PCNX3: variants seen among roughly 807,000 people sequenced by gnomAD.
The protein encoded by PCNX3 is pecanex 3, also known as pecanex-like protein 3.
PCNX3 carries 58 observed loss-of-function variants against 207.2 expected under a neutral mutation model. The observed-to-expected ratio is 0.28, with a 90% CI of 0.23 to 0.35. The LOEUF is 0.35. Among genes scored for constraint, PCNX3 ranks in the 10% least tolerant of loss-of-function variants. PCNX3 has a pLI of 1.00. For missense variants in PCNX3, 2,410 were observed against 2,774.4 expected (o/e 0.87, Z 2.95); for synonymous variants, 1,337 against 1,183.5 (o/e 1.13, Z -2.66).
chr11:65,627,757 A>G (rs867375290), intron 22 of PCNX3, among the ~76,000 whole-genome samples, 175 bp downstream of exon 22: 1 of 152,094 alleles, frequency 6.6e-6, no homozygotes. Flanking sequence ...ACAGAGAGGA[A>G]GCAGGCTGAA....
In PCNX3 at chr11:65,635,924, C is replaced by G; in HGVS notation, c.5459+121C>G. The G allele has an allele frequency of 1.4e-6, 2 of 1,379,576 alleles. No homozygotes were observed. The highest frequency in any genetic ancestry group is 2.9e-5 in the South Asian group (2 of 68,164). 85.5% of individuals were successfully genotyped at this position (1,379,576 alleles called of 1,614,324 possible). A position where few individuals can be genotyped will look rare whatever the true frequency, so the allele number is the denominator to read the frequency against. On this transcript the variant is annotated intron_variant, in intron 32 of 34. Transcript: ENST00000355703. This position sits in a 1 kb window ranked among gnomAD's most constrained non-coding sequence, Gnocchi z 9.9. ...GGCTTGAATCCCGAGAGATGACCCC[C>G]TCCCAGAGCTGACCTGCCCCTCCTA... is the stretch of plus-strand genomic sequence containing the variant.
In PCNX3 at chr11:65,617,231, T is replaced by C; in HGVS notation, c.342-19T>C. ...AGAGGAGAGGTTAGCTCAAAGCTGC[T>C]GCTCTTTTTCACCGCCAGGGACCCC... On this transcript the variant is annotated intron_variant, in intron 2 of 34. Transcript: ENST00000355703. 1 of 1,586,114 alleles carries C rather than the reference T, an allele frequency of 6.3e-7. No individual in the cohort carries two copies. The highest frequency in any genetic ancestry group is 1.1e-5 in the South Asian group (1 of 87,642).
chr11:65,634,090 G>A (rs759556885), intron 27 of PCNX3, 36 bp from the exon 28 acceptor site: 20 of 1,574,792 alleles, frequency 1.3e-5, no homozygotes, highest in Admixed American at 3.5e-5. Context: ...GGCCAGGGCC[G>A]GGACCCCGGC....
At position 65,618,668 on chromosome 11, in the gene PCNX3, C is replaced by G. The variant is rs1313071196; in HGVS notation, c.1306C>G (p.Leu436Val). The G allele has an allele frequency of 3.7e-6, 6 of 1,613,242 alleles. No homozygotes were observed. The highest frequency in any genetic ancestry group is 5.1e-6 in the Non-Finnish European group (6 of 1,179,852). ...CAGTGAACTGAGCCCGGCCTCCAGT[C>G]TCCGATCGCAGCGCCGCTACAGTAC... Reference protein sequence around the residue: ...EGSELSPASSLRSQRRYSTDS... With the variant: ...EGSELSPASSVRSQRRYSTDS... Residue 436 changes from leucine (L) to valine (V), a missense_variant, in exon 6 of 35, where the codon CTC (leucine) becomes GTC (valine). By Grantham distance (32) the Leu-to-Val change is conservative. Coordinates refer to ENST00000355703, the MANE Select transcript of PCNX3 (RefSeq NM_032223.4).
At chr11:65,636,340 T>G (rs1590910479) in intron 33 of PCNX3, 33 bp downstream of exon 33, 1 of 1,606,706 alleles carries the variant, frequency 6.2e-7, no homozygotes, top group Non-Finnish European at 8.5e-7. Context: ...AACCCGTGGG[T>G]GAGGAGTGCA....
intron 27 of PCNX3, among the ~76,000 whole-genome samples, chr11:65,630,957 C>T (rs962825914): frequency 6.6e-6 from 1 of 152,252 alleles, no homozygotes; most frequent in African/African-American, 2.4e-5. Flanking sequence ...TAACGATCAT[C>T]ATGGGAGCAG....
At chr11:65,616,554 G>T in intron 1 of PCNX3, 90 bp downstream of exon 1, 1 of 1,399,674 alleles carries the variant, frequency 7.1e-7, no homozygotes, top group South Asian at 1.4e-5. Context: ...TCTGGGACGT[G>T]GAGAGAGAGG....
Position 65,625,544 on chromosome 11 carries a change from G to T in PCNX3, c.3135+34G>T. On this transcript the variant is annotated intron_variant, in intron 18 of 34. Transcript: ENST00000355703. The surrounding 1 kb of genome is among the most constrained non-coding windows in gnomAD (Gnocchi z 5.6). ...GCGGGGGGTGGGGGTCTGTGGGGAG[G>T]TGGTGACAGGTCCTGGGGTTCCTGG... is the stretch of plus-strand genomic sequence containing the variant. 1 of 1,571,900 alleles carries T rather than the reference G, an allele frequency of 6.4e-7. No homozygotes were observed. The highest frequency in any genetic ancestry group is 8.6e-7 in the Non-Finnish European group (1 of 1,160,238).
intron 4 of PCNX3, 45 bp from the exon 5 acceptor site, chr11:65,617,566 C>T (rs1471696328): frequency 6.2e-7 from 1 of 1,613,582 alleles, no homozygotes; most frequent in Non-Finnish European, 8.5e-7. Flanking sequence ...GGCTGGCGTG[C>T]TGTGCCAGGG....
chr11:65,619,980 C>T (rs1203542348), intron 8 of PCNX3, 48 bp downstream of exon 8: 67 of 1,537,552 alleles, frequency 4.4e-5, no homozygotes, highest in Middle Eastern at 1.7e-4. Flanking sequence ...CGCCTTCCCC[C>T]AACAGCCTGA....
chr11:65,627,353 C>A, intron 21 of PCNX3, 52 bp from the exon 22 acceptor site: 1 of 1,568,776 alleles, frequency 6.4e-7, no homozygotes, highest in Non-Finnish European at 8.6e-7. Context: ...GACACCTATA[C>A]CCACTGCCCC....
At chr11:65,627,085 G>T (rs781007487) in intron 21 of PCNX3, 37 bp downstream of exon 21, 6 of 1,462,846 alleles carry the variant, frequency 4.1e-6, no homozygotes, top group African/African-American at 1.4e-5. Context: ...CCCATCATCC[G>T]CTTTCCCTTT....
intron 6 of PCNX3, 54 bp from the exon 7 acceptor site, chr11:65,619,483 C>T: frequency 1.3e-6 from 2 of 1,594,056 alleles, no homozygotes; most frequent in African/African-American, 1.3e-5. Flanking sequence ...ACCTTACTCC[C>T]CCAGCCTTGT....
At chr11:65,617,548 G>A in intron 4 of PCNX3, 39 bp downstream of exon 4, 1 of 1,613,924 alleles carries the variant, frequency 6.2e-7, no homozygotes, top group Non-Finnish European at 8.5e-7. Flanking sequence ...ATAGTGCTGT[G>A]GAACAGGGGC....
chr11:65,616,279 G>C lies in PCNX3; in HGVS notation c.-33G>C. 1 of 1,525,224 alleles carries C rather than the reference G, an allele frequency of 6.6e-7. No individual in the cohort carries two copies. The highest frequency in any genetic ancestry group is 8.8e-7 in the Non-Finnish European group (1 of 1,142,058). The allele number at this position is 1,525,224 out of a possible 1,614,324, so 94.5% of individuals were successfully genotyped here. On this transcript the variant is annotated 5_prime_UTR_variant, in exon 1 of 35. Transcript: ENST00000355703. Reference sequence around the variant, plus strand: ...CGGGGGCCGCCCCCATGAGGGTCCCGGGAGGGGGGGCGCGGGCAGCAGCGG... The same window carrying C: ...CGGGGGCCGCCCCCATGAGGGTCCCCGGAGGGGGGGCGCGGGCAGCAGCGG...
Position 65,618,103 on chromosome 11 carries a change from G to A in PCNX3, c.741G>A (p.Gln247=). The change falls in exon 6 of 35, where the codon CAG becomes CAA. Residue 247 remains glutamine (Q), a synonymous_variant. Coordinates refer to ENST00000355703, the MANE Select transcript of PCNX3 (RefSeq NM_032223.4). Reference sequence around the variant, plus strand: ...CCCTGCTGAAGGGGAGCCTCAGCCAGGAGCTGAGCAAGAGCTTCCTGACCC... The same window carrying A: ...CCCTGCTGAAGGGGAGCCTCAGCCAAGAGCTGAGCAAGAGCTTCCTGACCC... The part of the protein sequence containing the change: ...MSPLLKGSLS[Q]ELSKSFLTLT... The A allele has an allele frequency of 6.2e-7, 1 of 1,610,648 alleles. No individual in the cohort carries two copies.
rs370511637 is a variant in PCNX3 at position 65,619,060 on chromosome 11, G to A, written c.1698G>A (p.Val566=). The A allele has an allele frequency of 9.4e-6, 15 of 1,588,080 alleles. No individual in the cohort carries two copies. The highest frequency in any genetic ancestry group is 8.0e-5 in the African/African-American group (6 of 74,732). Reference sequence around the variant, plus strand: ...GGGAGCTGCAGGAGGAAGGTGCTGTGGGGGGAGGTGAGTGCTTGCTCTAGA... The same window carrying A: ...GGGAGCTGCAGGAGGAAGGTGCTGTAGGGGGAGGTGAGTGCTTGCTCTAGA... ...WRGELQEEGA[V]GGAAEETGRR... Residue 566 remains valine, a synonymous_variant, in exon 6 of 35, where the codon GTG becomes GTA. Coordinates refer to ENST00000355703, the MANE Select transcript of PCNX3 (RefSeq NM_032223.4).
At chr11:65,626,179 T>C (rs1180169969) in intron 20 of PCNX3, 125 bp downstream of exon 20, 1 of 1,297,216 alleles carries the variant, frequency 7.7e-7, no homozygotes, top group Admixed American at 2.0e-5. Context: ...CACTACCCTT[T>C]CTGCTCCCTC....
chr11:65,619,980 CA>C lies in PCNX3; in HGVS notation c.2008+50del, dbSNP rs759212151. Reference sequence around the variant, plus strand: ...GGCCCAGTGCCTCCCCGCCTTCCCCCAACAGCCTGAGTCCTCCTAGCAGTGG... The same window carrying C: ...GGCCCAGTGCCTCCCCGCCTTCCCCCACAGCCTGAGTCCTCCTAGCAGTGG... On this transcript the variant is annotated intron_variant, in intron 8 of 34. Transcript: ENST00000355703. 3.3e-6 allele frequency: 5 copies of C among 1,537,552 alleles called. No individual in the cohort carries two copies. In the East Asian group the frequency reaches 1.2e-4, roughly 35 times the overall value.
Sources: gnomAD v4.1 joint callset for allele counts (sites outside exome capture counted in the v4.1 genomes callset) on GRCh38, gnomAD v4.1.1 for gene constraint, Gnocchi (gnomAD v3.1) non-coding constraint, MANE v1.5 for transcripts, NCBI Gene and HGNC (gene_info 2026-07-23, HGNC 2026-07-21) for gene names.